The following SPIDR variants were observed in gnomAD, a reference collection of about 807,000 sequenced individuals.
SPIDR encodes scaffold protein involved in DNA repair.
A neutral mutation model predicts 104.6 loss-of-function variants in SPIDR; 93 were observed. The ratio of observed to expected loss-of-function variants is 0.89; its 90% CI spans 0.75 to 1.06. The LOEUF is 1.06. SPIDR is among the 50% of genes least tolerant of loss of function. The pLI is 0.00. For missense variants in SPIDR, 1,154 were observed against 1,111.2 expected, an observed-to-expected ratio of 1.04 and a Z score of -0.55; for synonymous variants, 431 against 416.9, an observed-to-expected ratio of 1.03 and a Z score of -0.41.
chr8:47,574,601 C>G (rs2058864472), intron 8 of SPIDR, among the ~76,000 whole-genome samples: 1 of 151,604 alleles, frequency 6.6e-6, no homozygotes, highest in African/African-American at 2.4e-5. Context: ...ACTAAAAATA[C>G]TAAAAAATAA....
chr8:47,505,626 C>G (rs2081356488), intron 8 of SPIDR, among the ~76,000 whole-genome samples: 2 of 152,150 alleles, frequency 1.3e-5, no homozygotes, highest in Non-Finnish European at 1.5e-5. Context: ...CATGCTCGGT[C>G]CGCTGCGCCC....
intron 5 of SPIDR, among the ~76,000 whole-genome samples, chr8:47,353,282 T>A (rs1324344888): frequency 1.3e-5 from 2 of 152,178 alleles, no homozygotes; most frequent in Admixed American, 1.3e-4. Context: ...CTTACCCTTG[T>A]GGCCGAATTA....
chr8:47,720,168 C>T (rs2083194147), intron 16 of SPIDR, among the ~76,000 whole-genome samples: 1 of 152,218 alleles, frequency 6.6e-6, no homozygotes. Flanking sequence ...AAGGTTCCTC[C>T]ACATCTTTTC....
At chr8:47,264,370 T>C (rs2033381169) in intron 1 of SPIDR, among the ~76,000 whole-genome samples, 1 of 152,166 alleles carries the variant, frequency 6.6e-6, no homozygotes, top group African/African-American at 2.4e-5. Context: ...GATATATAGA[T>C]ATATCCTATA....
At chr8:47,441,476 T>A (rs1222608738) in intron 8 of SPIDR, among the ~76,000 whole-genome samples, 1 of 152,190 alleles carries the variant, frequency 6.6e-6, no homozygotes, top group Non-Finnish European at 1.5e-5. Context: ...TTGGTCACTT[T>A]GGTCCTGGTG....
intron 5 of SPIDR, among the ~76,000 whole-genome samples, chr8:47,302,441 A>G (rs1401867735): frequency 2.0e-5 from 3 of 152,028 alleles, no homozygotes; most frequent in Non-Finnish European, 4.4e-5. Context: ...TTCTTCTCTC[A>G]ACTCGTCAAA....
Position 47,498,880 on chromosome 8 carries a change from A to C in SPIDR, c.1097+58338A>C, listed in dbSNP as rs373466155. 4.6e-5 allele frequency among the ~76,000 whole-genome samples: 7 copies of C among 152,214 alleles called. No homozygotes were observed. The East Asian group carries it at 7.7e-4, about 17-fold the overall frequency. On this transcript the variant is annotated intron_variant, in intron 8 of 19. Coordinates refer to ENST00000297423, the MANE Select transcript of SPIDR (RefSeq NM_001080394.4). ...GCTGGTTCATTTTGATCCCAAATTC[A>C]GTGTTTCTTCATTTAGCTTTTTGAT...
At chr8:47,282,496 A>G (rs1267325817) in intron 2 of SPIDR, among the ~76,000 whole-genome samples, 1 of 152,296 alleles carries the variant, frequency 6.6e-6, no homozygotes, top group Middle Eastern at 3.4e-3. Flanking sequence ...GATTTCTTAA[A>G]CTTCATGAAC....
At chr8:47,546,865 A>C in intron 8 of SPIDR, 1 of 395,678 alleles carries the variant, frequency 2.5e-6, no homozygotes, top group Non-Finnish European at 4.9e-6. Flanking sequence ...TGAGGCGTAT[A>C]CGTTTCCTCA....
At chr8:47,564,242 C>A (rs926415308) in intron 8 of SPIDR, among the ~76,000 whole-genome samples, 3 of 151,852 alleles carry the variant, frequency 2.0e-5, no homozygotes, top group African/African-American at 7.3e-5. Context: ...CCATGCCCAG[C>A]TAATTTTTAT....
chr8:47,498,534 G>T (rs2079822720), intron 8 of SPIDR, among the ~76,000 whole-genome samples: 1 of 152,112 alleles, frequency 6.6e-6, no homozygotes, highest in Admixed American at 6.6e-5. Context: ...GACCTTCCCA[G>T]ATAGTCTCTA....
intron 8 of SPIDR, among the ~76,000 whole-genome samples, chr8:47,577,579 T>C (rs1346108639): frequency 1.3e-5 from 2 of 152,210 alleles, no homozygotes; most frequent in Non-Finnish European, 1.5e-5. Flanking sequence ...AATACAGTAT[T>C]CGCAGGCATC....
intron 5 of SPIDR, among the ~76,000 whole-genome samples, chr8:47,337,144 T>C (rs2049918522): frequency 6.6e-6 from 1 of 152,174 alleles, no homozygotes; most frequent in South Asian, 2.1e-4. Context: ...TGCTTCTTTT[T>C]TGAGACAGAG....
chr8:47,410,263 C>G (rs1554670293), intron 7 of SPIDR, among the ~76,000 whole-genome samples: 1 of 151,830 alleles, frequency 6.6e-6, no homozygotes. Context: ...CTCACTGCAA[C>G]CTCCGTATCC....
intron 8 of SPIDR, among the ~76,000 whole-genome samples, chr8:47,550,711 C>T (rs2090309371): frequency 6.6e-6 from 1 of 152,182 alleles, no homozygotes; most frequent in African/African-American, 2.4e-5. Context: ...ATGGCATCTG[C>T]AAACAGGAAC....
chr8:47,721,879 A>C (rs1442880060), intron 16 of SPIDR, among the ~76,000 whole-genome samples: 1 of 152,170 alleles, frequency 6.6e-6, no homozygotes, highest in Non-Finnish European at 1.5e-5. Flanking sequence ...TTGCCTCTCC[A>C]TATAAACTTT....
In SPIDR at chr8:47,674,504, GA is replaced by G. The variant is rs771086635; in HGVS notation, c.1685+573del. ...ATCATTCTAATCTATGAATTAGGGG[GA>G]AAAAAAAAAGAAACATTTTTAATGG... On this transcript the variant is annotated intron_variant, in intron 11 of 19. Transcript: ENST00000297423. Among the ~76,000 whole-genome samples, 105 of 146,756 alleles carry G rather than the reference GA, an allele frequency of 7.2e-4. No homozygotes were observed. The East Asian group carries it at 7.5e-3, about 10-fold the overall frequency.
At chr8:47,596,851 TA>T (rs1374684164) in intron 9 of SPIDR, among the ~76,000 whole-genome samples, 1 of 152,188 alleles carries the variant, frequency 6.6e-6, no homozygotes, top group Non-Finnish European at 1.5e-5. Context: ...TTTTTACTTT[TA>T]AAACTTTTTT....
chr8:47,663,394 A>G (rs1394691639), intron 10 of SPIDR, among the ~76,000 whole-genome samples: 1 of 152,196 alleles, frequency 6.6e-6, no homozygotes, highest in African/African-American at 2.4e-5. Context: ...ACTACCCTGT[A>G]CCTAGCACCT....
Sources: gnomAD v4.1 joint callset for allele counts (sites outside exome capture counted in the v4.1 genomes callset) on GRCh38, gnomAD v4.1.1 for gene constraint, MANE v1.5 for transcripts, NCBI Gene and HGNC (gene_info 2026-07-23, HGNC 2026-07-21) for gene names.